The following EYA2 variants were observed in gnomAD, a reference collection of about 807,000 sequenced individuals.
EYA2 encodes the protein protein phosphatase EYA2.
In EYA2, 31 loss-of-function variants were observed where a neutral mutation model predicts 69.2. The ratio of observed to expected loss-of-function variants is 0.45; its 90% confidence interval spans 0.34 to 0.60. The LOEUF (loss-of-function observed/expected upper bound fraction) is 0.60, where lower values mean the gene tolerates loss of function less well. Ranked by LOEUF, EYA2 falls within the 20% of genes least tolerant of loss-of-function variation. The pLI is 0.02. For synonymous variants in EYA2, 257 were observed against 279.4 expected, an observed-to-expected ratio of 0.92 and a Z score of 0.80; for missense variants, 622 against 701.2, an observed-to-expected ratio of 0.89 and a Z score of 1.28.
At chr20:47,182,654 G>A (rs1400257219) in intron 14 of EYA2, among the ~76,000 whole-genome samples, 2 of 102,208 alleles carry the variant, frequency 2.0e-5, no homozygotes, top group Non-Finnish European at 3.9e-5. Context: ...AGGTTAAGAT[G>A]GCTGGGTGCA....
chr20:47,061,308 C>G (rs2030873612), intron 5 of EYA2, among the ~76,000 whole-genome samples: 1 of 152,128 alleles, frequency 6.6e-6, no homozygotes, highest in Non-Finnish European at 1.5e-5. Flanking sequence ...AGGAGGATCC[C>G]TTGAGTCCAG....
intron 9 of EYA2, chr20:47,117,638 A>G: frequency 1.0e-6 from 1 of 985,428 alleles, no homozygotes; most frequent in East Asian, 1.1e-4. Flanking sequence ...ACAAACTGAG[A>G]AGAAATAAAA....
intron 9 of EYA2, among the ~76,000 whole-genome samples, chr20:47,126,969 T>C (rs2033206967): frequency 6.6e-6 from 1 of 152,210 alleles, no homozygotes; most frequent in South Asian, 2.1e-4. Flanking sequence ...TGTTTCATTC[T>C]TATATAATTA....
intron 9 of EYA2, chr20:47,117,451 AGCTCCTCGACCG>A (rs951882057): frequency 1.0e-5 from 10 of 985,164 alleles, no homozygotes; most frequent in Non-Finnish European, 1.2e-5. Context: ...TGATCTCCAC[AGCTCCTCGACCG>A]GCTCCTCTGC....
chr20:47,121,686 A>T (rs1014855583), intron 9 of EYA2, among the ~76,000 whole-genome samples: 3 of 152,196 alleles, frequency 2.0e-5, no homozygotes, highest in Admixed American at 2.0e-4. Flanking sequence ...CCCCATGCAT[A>T]GCACTGGGTC....
At chr20:47,167,299 T>TTTTTTG (rs2034220347) in intron 10 of EYA2, among the ~76,000 whole-genome samples, 1 of 148,734 alleles carries the variant, frequency 6.7e-6, no homozygotes, top group Non-Finnish European at 1.5e-5. Context: ...TTTTTTTTTT[T>TTTTTTG]GAGACAGAGT....
Position 47,059,500 on chromosome 20 carries a change from G to A in EYA2, c.416-12685G>A, listed in dbSNP as rs537674966. Among the ~76,000 whole-genome samples the A allele has an allele frequency of 5.9e-5, 9 of 152,146 alleles. No individual in the cohort carries two copies. The East Asian group carries it at 1.2e-3, about 20-fold the overall frequency. On this transcript the variant is annotated intron_variant, in intron 5 of 15. Coordinates refer to ENST00000327619, the MANE Select transcript of EYA2 (RefSeq NM_005244.5). The stretch of plus-strand genomic sequence containing the variant: ...CAAGTAGCTAGGATTACAGGTGCCC[G>A]CCACCACACCCAGCTGATTTTTGTA...
chr20:46,988,674 C>T (rs1349517109), intron 1 of EYA2, among the ~76,000 whole-genome samples: 1 of 152,112 alleles, frequency 6.6e-6, no homozygotes, highest in Admixed American at 6.6e-5. Flanking sequence ...AACCAGAAAC[C>T]TTATTTTCTA....
At chr20:46,980,598 T>C (rs950877991) in intron 1 of EYA2, among the ~76,000 whole-genome samples, 2 of 152,234 alleles carry the variant, frequency 1.3e-5, no homozygotes, top group Non-Finnish European at 2.9e-5. Context: ...ATATGTATCT[T>C]TTCTTTATGT....
chr20:47,123,599 C>G (rs1446249852), intron 9 of EYA2, among the ~76,000 whole-genome samples: 1 of 152,144 alleles, frequency 6.6e-6, no homozygotes, highest in Non-Finnish European at 1.5e-5. Context: ...ATATTGCAAA[C>G]CATACATAAT....
intron 4 of EYA2, among the ~76,000 whole-genome samples, chr20:47,005,494 C>T (rs1982650536): frequency 6.6e-6 from 1 of 152,230 alleles, no homozygotes; most frequent in Non-Finnish European, 1.5e-5. Flanking sequence ...TCAAGGTTTG[C>T]ATCCTTTTAT....
chr20:47,179,957 G>A (rs575961338), intron 13 of EYA2, 45 bp downstream of exon 13: 77 of 1,407,152 alleles, frequency 5.5e-5, no homozygotes, highest in Admixed American at 2.0e-4. Flanking sequence ...GAACTTTCTC[G>A]CAGTAGACAG....
chr20:47,112,955 A>T (rs6018286), intron 9 of EYA2, among the ~76,000 whole-genome samples: 107,750 of 146,426 alleles, frequency 0.74, 39,449 homozygotes, highest in Middle Eastern at 0.78. Flanking sequence ...CACTGCAACC[A>T]CTGCCTCCCA....
At chr20:47,126,299 G>A (rs530112370) in intron 9 of EYA2, among the ~76,000 whole-genome samples, 2 of 152,350 alleles carry the variant, frequency 1.3e-5, no homozygotes, top group Admixed American at 6.5e-5. Flanking sequence ...TGTGAACAAG[G>A]ATGACTAGCC....
intron 12 of EYA2, among the ~76,000 whole-genome samples, chr20:47,177,730 G>T (rs1476384117): frequency 1.3e-5 from 2 of 152,192 alleles, no homozygotes; most frequent in Non-Finnish European, 2.9e-5. Context: ...GCAGCATTTT[G>T]TCCTAATTAA....
At chr20:46,905,967 T>C (rs771890714) in intron 1 of EYA2, among the ~76,000 whole-genome samples, 4 of 152,330 alleles carry the variant, frequency 2.6e-5, no homozygotes, top group South Asian at 2.1e-4. Flanking sequence ...TTGGGGACTT[T>C]AGACATTCTG....
intron 1 of EYA2, among the ~76,000 whole-genome samples, chr20:46,905,827 A>G (rs1217366953): frequency 6.6e-6 from 1 of 152,232 alleles, no homozygotes; most frequent in African/African-American, 2.4e-5. Context: ...TACGACTTAA[A>G]TAAAATGACA....
Position 47,044,519 on chromosome 20 carries a change from G to C in EYA2, c.416-27666G>C, listed in dbSNP as rs376927578. Among the ~76,000 whole-genome samples the C allele has an allele frequency of 4.6e-5, 7 of 152,224 alleles. No individual in the cohort carries two copies. The South Asian group carries it at 1.2e-3, about 27-fold the overall frequency. ...ATGAGGAACAAAGTAGAGTCTTTCG[G>C]GGGGGTGGGGGCAATAGCAAGTTGC... is the stretch of plus-strand genomic sequence containing the variant. On this transcript the variant is annotated intron_variant, in intron 5 of 15. Transcript: ENST00000327619.
intron 12 of EYA2, among the ~76,000 whole-genome samples, chr20:47,174,013 C>T (rs879680512): frequency 2.0e-5 from 3 of 152,154 alleles, no homozygotes; most frequent in Non-Finnish European, 4.4e-5. Context: ...CTGGCTCAGC[C>T]GTAGTCTAGA....
Sources: gnomAD v4.1 joint callset for allele counts (sites outside exome capture counted in the v4.1 genomes callset) on GRCh38, gnomAD v4.1.1 for gene constraint, MANE v1.5 for transcripts, NCBI Gene and HGNC (gene_info 2026-07-23, HGNC 2026-07-21) for gene names.